DCBLD1: variants seen among roughly 807,000 people sequenced by gnomAD.
DCBLD1 encodes discoidin, CUB and LCCL domain-containing protein 1.
Under a neutral mutation model 71.5 loss-of-function variants are expected in DCBLD1, and 57 were observed. The ratio of observed to expected loss-of-function variants is 0.80; its 90% CI spans 0.64 to 0.99. The LOEUF (loss-of-function observed/expected upper bound fraction) is 0.99, where lower values mean the gene tolerates loss of function less well. Among genes scored for constraint, DCBLD1 ranks in the 50% least tolerant of loss-of-function variants. DCBLD1 has a pLI of 0.00. For missense variants in DCBLD1, 891 were observed against 923.5 expected (o/e 0.96, Z 0.46); for synonymous variants, 380 against 363.8 (o/e 1.04, Z -0.51).
intron 7 of DCBLD1, among the ~76,000 whole-genome samples, chr6:117,537,594 C>T (rs1778936309): frequency 6.8e-6 from 1 of 147,592 alleles, no homozygotes; most frequent in South Asian, 2.1e-4. Context: ...TTCCTCCATA[C>T]CCTTCAGATT....
chr6:117,559,390 C>A (rs964208528), intron 14 of DCBLD1, among the ~76,000 whole-genome samples: 2 of 152,164 alleles, frequency 1.3e-5, no homozygotes, highest in East Asian at 3.9e-4. Flanking sequence ...CAATGTAATC[C>A]TAAGGGAGTT....
At position 117,558,597 on chromosome 6, in the gene DCBLD1, G is replaced by C. The variant is rs77118127; in HGVS notation, c.1616-11023G>C. Among the ~76,000 whole-genome samples, 52 of 152,254 alleles carry C rather than the reference G, an allele frequency of 3.4e-4. No homozygotes were observed. The East Asian group carries it at 9.4e-3, about 28-fold the overall frequency. On this transcript the variant is annotated intron_variant, in intron 14 of 14. Coordinates refer to the DCBLD1 transcript ENST00000296955. ...TACAGAGAATATAAAGCAAAATGAGGAAAGGGAAAAGGCATATGGGCACAG... is the reference window on the plus strand; with the variant it reads ...TACAGAGAATATAAAGCAAAATGAGCAAAGGGAAAAGGCATATGGGCACAG...
Position 117,540,857 on chromosome 6 carries a change from A to G in DCBLD1, c.1249+42A>G, listed in dbSNP as rs756208309. Reference sequence around the variant, plus strand: ...GCCAGTGAGTTACTCAAGTTTGGTCATATTTTTTTTCGCCTATCATTGTTA... The same window carrying G: ...GCCAGTGAGTTACTCAAGTTTGGTCGTATTTTTTTTCGCCTATCATTGTTA... On this transcript the variant is annotated intron_variant, in intron 10 of 14. Coordinates refer to ENST00000338728, the MANE Select transcript of DCBLD1 (RefSeq NM_001366458.2). The G allele has an allele frequency of 3.7e-6, 6 of 1,613,970 alleles. No individual in the cohort carries two copies. In the Admixed American group the frequency reaches 6.7e-5, roughly 18 times the overall value.
chr6:117,519,288 T>C (rs986765030), intron 2 of DCBLD1, among the ~76,000 whole-genome samples: 20 of 152,214 alleles, frequency 1.3e-4, no homozygotes, highest in African/African-American at 4.8e-4. Context: ...TGCTTTTATG[T>C]ACATTTTATA....
rs2114408147 is a variant in DCBLD1, at chr6:117,499,739, A to C, written c.113-4028A>C. The stretch of plus-strand genomic sequence containing the variant: ...AAAGAAGATAAACTGATAGATTTTT[A>C]AGTAACTTTTGTCTTCTTTGTCAGT... On this transcript the variant is annotated intron_variant, in intron 1 of 14. Coordinates refer to ENST00000338728, the MANE Select transcript of DCBLD1 (RefSeq NM_001366458.2). Among the ~76,000 whole-genome samples the C allele has an allele frequency of 1.3e-5, 2 of 152,334 alleles. 1 individual carries two copies. Among genetic ancestry groups the C allele is most frequent in the Admixed American group, 1.3e-4 (2 of 15,276 alleles).
chr6:117,507,350 C>G (rs1181947768), intron 2 of DCBLD1, among the ~76,000 whole-genome samples: 3 of 152,208 alleles, frequency 2.0e-5, no homozygotes, highest in African/African-American at 7.2e-5. Context: ...TGCACTTGAT[C>G]TCACTGTTTC....
intron 2 of DCBLD1, among the ~76,000 whole-genome samples, chr6:117,513,007 A>T (rs935925363): frequency 6.6e-6 from 1 of 152,184 alleles, no homozygotes; most frequent in East Asian, 1.9e-4. Context: ...TAGTTTTAAG[A>T]TCAAAACCTT....
chr6:117,568,580 T>C (rs1350682499), intron 14 of DCBLD1, among the ~76,000 whole-genome samples: 1 of 152,214 alleles, frequency 6.6e-6, no homozygotes, highest in African/African-American at 2.4e-5. Flanking sequence ...CATTCTTAGA[T>C]CTCTCTTGTC....
intron 5 of DCBLD1, among the ~76,000 whole-genome samples, chr6:117,531,838 G>A (rs1052582242): frequency 1.3e-5 from 2 of 152,128 alleles, no homozygotes; most frequent in African/African-American, 4.8e-5. Flanking sequence ...ATCTGTTATC[G>A]ATTTCTGCTT....
Position 117,547,993 on chromosome 6 carries a change from G to A in DCBLD1, c.1702G>A (p.Ala568Thr). Reference sequence around the variant, plus strand: ...GCCCATGGACACGGATGCCGAGGAGGCAGGGGTGAGCACCGATGCCGGCGG... The same window carrying A: ...GCCCATGGACACGGATGCCGAGGAGACAGGGGTGAGCACCGATGCCGGCGG... ...FRPMDTDAEEAGVSTDAGGHY... is the reference protein window; with the variant it reads ...FRPMDTDAEETGVSTDAGGHY... The change falls in exon 15 of 15, where the codon GCA becomes ACA. Residue 568 changes from alanine (A) to threonine (T), a missense_variant. Coordinates refer to ENST00000338728, the MANE Select transcript of DCBLD1 (RefSeq NM_001366458.2). The A allele has an allele frequency of 1.3e-6, 2 of 1,550,540 alleles. No homozygotes were observed. Among genetic ancestry groups the A allele is most frequent in the Non-Finnish European group, 1.7e-6 (2 of 1,146,948 alleles).
intron 6 of DCBLD1, among the ~76,000 whole-genome samples, chr6:117,533,335 G>C (rs1039879304): frequency 9.9e-5 from 15 of 152,176 alleles, no homozygotes; most frequent in African/African-American, 3.4e-4. Flanking sequence ...TTCTCCCCCT[G>C]CCCTTGCTAT....
chr6:117,527,729 GA>G (rs1402851737), intron 5 of DCBLD1, among the ~76,000 whole-genome samples: 1 of 151,344 alleles, frequency 6.6e-6, no homozygotes. Flanking sequence ...ATTTGTCAGG[GA>G]TAGACTGTCT....
chr6:117,554,040 C>T (rs527721446), downstream of DCBLD1, among the ~76,000 whole-genome samples: 2 of 152,224 alleles, frequency 1.3e-5, no homozygotes, highest in Admixed American at 1.3e-4. Context: ...AGTGTCTGAC[C>T]CATGATAAGT....
At chr6:117,499,240 C>CAAA (rs71012362) in intron 1 of DCBLD1, among the ~76,000 whole-genome samples, 2 of 108,756 alleles carry the variant, frequency 1.8e-5, no homozygotes, top group Admixed American at 9.3e-5. Flanking sequence ...CCATCTCTAC[C>CAAA]AAAAAAAAAA....
exon 15 of DCBLD1, chr6:117,569,785 G>T: frequency 6.7e-7 from 1 of 1,490,740 alleles, no homozygotes; most frequent in Non-Finnish European, 8.9e-7. Context: ...GTAAGGTACA[G>T]TTACCGATTA....
At chr6:117,517,110 C>G (rs945069248) in intron 2 of DCBLD1, among the ~76,000 whole-genome samples, 4 of 152,226 alleles carry the variant, frequency 2.6e-5, no homozygotes, top group African/African-American at 9.6e-5. Flanking sequence ...AAGGCAAGTC[C>G]CTTCTGCCTA....
intron 14 of DCBLD1, 84 bp downstream of exon 14, chr6:117,545,681 A>G (rs1779245304): frequency 6.6e-7 from 1 of 1,519,262 alleles, no homozygotes; most frequent in African/African-American, 1.4e-5. Context: ...ATAAGGCAAA[A>G]TCCTTTTCTA....
In DCBLD1 at chr6:117,514,909, G is replaced by A. The variant is rs539236755; in HGVS notation, c.326-4907G>A. ...ATACACTCTCATTTGTGTAAAATATGTATACTTTTTGCAACTTTTCCTTTC... is the reference window on the plus strand; with the variant it reads ...ATACACTCTCATTTGTGTAAAATATATATACTTTTTGCAACTTTTCCTTTC... On this transcript the variant is annotated intron_variant, in intron 2 of 14. Coordinates refer to ENST00000338728, the MANE Select transcript of DCBLD1 (RefSeq NM_001366458.2). Among the ~76,000 whole-genome samples, 19 of 150,818 alleles carry A rather than the reference G, an allele frequency of 1.3e-4. No individual in the cohort carries two copies. In the East Asian group the frequency reaches 3.5e-3, roughly 28 times the overall value.
downstream of DCBLD1, chr6:117,549,905 G>C: frequency 1.0e-6 from 1 of 975,364 alleles, no homozygotes; most frequent in Non-Finnish European, 1.2e-6. Flanking sequence ...AAAGAGCTTG[G>C]TGCCAGATTA....
Sources: gnomAD v4.1 joint callset for allele counts (sites outside exome capture counted in the v4.1 genomes callset) on GRCh38, gnomAD v4.1.1 for gene constraint, MANE v1.5 for transcripts, NCBI Gene and HGNC (gene_info 2026-07-23, HGNC 2026-07-21) for gene names.